ANXA2: variants seen among roughly 807,000 people sequenced by gnomAD.
ANXA2 encodes annexin II.
A neutral mutation model predicts 47.3 loss-of-function variants in ANXA2; 28 were observed. That is an observed-to-expected ratio of 0.59 (90% confidence interval 0.44 to 0.81). ANXA2 has a LOEUF of 0.81. Ranked by LOEUF, ANXA2 falls within the 40% of genes least tolerant of loss-of-function variation. The pLI, the probability that ANXA2 is intolerant of heterozygous loss-of-function variation, is 0.00. For synonymous variants in ANXA2, 172 were observed against 155.5 expected, an observed-to-expected ratio of 1.11 and a Z score of -0.79; for missense variants, 384 against 414.3, an observed-to-expected ratio of 0.93 and a Z score of 0.64.
chr15:60,360,905 C>T lies in ANXA2; in HGVS notation c.357+36G>A, dbSNP rs770458087. The T allele has an allele frequency of 3.9e-6, 5 of 1,296,214 alleles. No homozygotes were observed. In the African/African-American group the frequency reaches 5.8e-5, roughly 15 times the overall value. 80.3% of individuals were successfully genotyped at this position (1,296,214 alleles called of 1,614,324 possible). On this transcript the variant is annotated intron_variant, in intron 5 of 12. Coordinates refer to ENST00000451270, the MANE Select transcript of ANXA2 (RefSeq NM_004039.3). ...AAGCTGTAATTCACAAAATTAATAGCAGATTTGACAGAGATGACATCTCAC... is the reference window on the plus strand; with the variant it reads ...AAGCTGTAATTCACAAAATTAATAGTAGATTTGACAGAGATGACATCTCAC...
At chr15:60,366,950 G>A (rs2062624627) in intron 3 of ANXA2, among the ~76,000 whole-genome samples, 1 of 91,548 alleles carries the variant, frequency 1.1e-5, no homozygotes, top group Non-Finnish European at 2.2e-5. Flanking sequence ...TGCCCGGCCA[G>A]CCGCCCCGTC....
chr15:60,392,136 C>G (rs557097732), intron 1 of ANXA2, among the ~76,000 whole-genome samples: 1 of 152,262 alleles, frequency 6.6e-6, no homozygotes, highest in East Asian at 1.9e-4. Flanking sequence ...GGTAGGAAAA[C>G]AGGTCACTTG....
In ANXA2 at chr15:60,347,361, C is replaced by G. The variant is rs894362610; in HGVS notation, c.*269G>C. ...TAAAGTACAAATTCAGTTTATTCAT[C>G]TGTTTATGACACAGTACACAGGAGG... is the stretch of plus-strand genomic sequence containing the variant. On this transcript the variant is annotated 3_prime_UTR_variant, in exon 13 of 13. Coordinates refer to ENST00000451270, the MANE Select transcript of ANXA2 (RefSeq NM_004039.3). 2.1e-6 allele frequency: 1 copy of G among 466,424 alleles called. No homozygotes were observed. Among genetic ancestry groups the G allele is most frequent in the African/African-American group, 2.0e-5 (1 of 50,992 alleles). The allele number at this position is 466,424 out of a possible 1,614,324, so 28.9% of individuals were successfully genotyped here. A position where few individuals can be genotyped will look rare whatever the true frequency, so the allele number is the denominator to read the frequency against.
chr15:60,397,943 C>G lies in ANXA2; in HGVS notation c.-12G>C. 7.7e-7 allele frequency: 1 copy of G among 1,299,824 alleles called. No homozygotes were observed. Among genetic ancestry groups the G allele is most frequent in the Non-Finnish European group, 9.8e-7 (1 of 1,023,154 alleles). 80.5% of individuals were successfully genotyped at this position (1,299,824 alleles called of 1,614,324 possible). On this transcript the variant is annotated splice_region_variant and 5_prime_UTR_variant, in exon 1 of 13. Transcript: ENST00000451270. Reference sequence around the variant, plus strand: ...GGCGGGCAGGGCGCGCCCCGCTTACCTGGGCCGTGCGCCGAGAGCTGAGAG... The same window carrying G: ...GGCGGGCAGGGCGCGCCCCGCTTACGTGGGCCGTGCGCCGAGAGCTGAGAG...
intron 3 of ANXA2, among the ~76,000 whole-genome samples, chr15:60,373,075 G>A (rs531544832): frequency 1.6e-4 from 25 of 152,170 alleles, no homozygotes; most frequent in Non-Finnish European, 3.1e-4. Context: ...TTTATCCTAT[G>A]AGTCAAGTTT....
rs367941276 is a variant in ANXA2 at position 60,388,084 on chromosome 15, A to G, written c.-11-1998T>C. Among the ~76,000 whole-genome samples, 48 of 152,188 alleles carry G rather than the reference A, an allele frequency of 3.2e-4. No homozygotes were observed. In the South Asian group the frequency reaches 9.8e-3, roughly 31 times the overall value. Reference sequence around the variant, plus strand: ...GCGCCTGTAATCCCAACTACTCGGGAGGCTGAGACAGGAGAATAGCTTGAA... The same window carrying G: ...GCGCCTGTAATCCCAACTACTCGGGGGGCTGAGACAGGAGAATAGCTTGAA... On this transcript the variant is annotated intron_variant, in intron 1 of 12. Transcript: ENST00000451270.
intron 3 of ANXA2, among the ~76,000 whole-genome samples, chr15:60,372,189 C>T (rs1393486042): frequency 4.6e-5 from 7 of 152,050 alleles, no homozygotes; most frequent in African/African-American, 9.7e-5. Context: ...TTACTGAGTA[C>T]CTACTATGTT....
Position 60,352,157 on chromosome 15 carries a change from C to A in ANXA2, c.682+226G>T, listed in dbSNP as rs1444433965. Among the ~76,000 whole-genome samples the A allele has an allele frequency of 2.6e-5, 4 of 152,192 alleles. No individual in the cohort carries two copies. Among genetic ancestry groups the A allele is most frequent in the African/African-American group, 9.7e-5 (4 of 41,448 alleles). On this transcript the variant is annotated intron_variant, in intron 9 of 12. Transcript: ENST00000451270. This position sits in a 1 kb window ranked among gnomAD's most constrained non-coding sequence, Gnocchi z 4.2. ...ACAAATAATGGCAAGACCAAATGAT[C>A]ATCAAACAAGAAGGAGCTGCAGAAT...
intron 5 of ANXA2, among the ~76,000 whole-genome samples, chr15:60,360,410 G>A (rs181636839): frequency 3.4e-4 from 52 of 152,276 alleles, no homozygotes; most frequent in African/African-American, 1.3e-3. Flanking sequence ...CGTGCATTGA[G>A]ACTTCACAGT....
chr15:60,370,599 C>G (rs1382738253), intron 3 of ANXA2, among the ~76,000 whole-genome samples: 2 of 152,156 alleles, frequency 1.3e-5, no homozygotes, highest in African/African-American at 4.8e-5. Flanking sequence ...ACCATTTCTA[C>G]CCAGGATGCA....
At chr15:60,397,408 C>T in intron 1 of ANXA2, 1 of 751,594 alleles carries the variant, frequency 1.3e-6, no homozygotes, top group Non-Finnish European at 1.6e-6. Context: ...CCTACTCACA[C>T]TCCCCCCTCT....
chr15:60,367,444 T>A (rs1030593901), intron 3 of ANXA2, among the ~76,000 whole-genome samples: 1 of 5,866 alleles, frequency 1.7e-4, no homozygotes, highest in Non-Finnish European at 3.0e-4. Flanking sequence ...GGGGGGGGGG[T>A]CAGCCCCCCT....
chr15:60,377,948 T>C (rs1194264045), intron 3 of ANXA2, among the ~76,000 whole-genome samples: 2 of 151,776 alleles, frequency 1.3e-5, no homozygotes, highest in African/African-American at 4.8e-5. Context: ...ATTAGCCAGG[T>C]GTGGTGGTGC....
At chr15:60,362,666 T>G (rs2140834106) in intron 4 of ANXA2, 1 of 152,310 alleles carries the variant, frequency 6.6e-6, no homozygotes, top group East Asian at 1.9e-4. Context: ...TTGTTTCACT[T>G]GAAACTATCT....
intron 5 of ANXA2, among the ~76,000 whole-genome samples, chr15:60,359,607 T>G (rs920394860): frequency 1.4e-4 from 21 of 152,192 alleles, no homozygotes; most frequent in African/African-American, 4.6e-4. Context: ...ACAACAAATC[T>G]TACAGCAGCC....
rs993495270 is a variant in ANXA2, at chr15:60,354,219, G to A, written c.529-6C>T. ...CCATCCTCTGCTCTTCTACCCTATG[G>A]GGGAAAGAAAAAGAACTTCAAATAC... On this transcript the variant is annotated splice_region_variant and splice_polypyrimidine_tract_variant and intron_variant, in intron 7 of 12. Transcript: ENST00000451270. 6.2e-7 allele frequency: 1 copy of A among 1,603,604 alleles called. No homozygotes were observed. Among genetic ancestry groups the A allele is most frequent in the African/African-American group, 1.3e-5 (1 of 74,074 alleles).
intron 7 of ANXA2, chr15:60,355,281 G>C (rs1339872457): frequency 6.4e-6 from 1 of 156,620 alleles, no homozygotes; most frequent in East Asian, 1.9e-4. Context: ...GCGAAGAGAG[G>C]AGAGCGAGGG....
chr15:60,351,640 C>A lies in ANXA2; in HGVS notation c.778+84G>T. 1.3e-5 allele frequency: 11 copies of A among 879,966 alleles called. No homozygotes were observed. The South Asian group carries it at 1.6e-4, about 12-fold the overall frequency. 54.5% of individuals were successfully genotyped at this position (879,966 alleles called of 1,614,324 possible). Reference sequence around the variant, plus strand: ...ATGCATAGAAGCCACACCTCCCAAACACATTTGGATTAACAGGATGGCCAT... The same window carrying A: ...ATGCATAGAAGCCACACCTCCCAAAAACATTTGGATTAACAGGATGGCCAT... On this transcript the variant is annotated intron_variant, in intron 10 of 12. Transcript: ENST00000451270.
chr15:60,368,316 A>AAATAAAATAAAAT (rs1555401432), intron 3 of ANXA2, among the ~76,000 whole-genome samples: 7 of 114,006 alleles, frequency 6.1e-5, no homozygotes, highest in East Asian at 2.5e-4. Context: ...AATAAAAAAA[A>AAATAAAATAAAAT]AAAATAAAAT....
Sources: gnomAD v4.1 joint callset for allele counts (sites outside exome capture counted in the v4.1 genomes callset) on GRCh38, gnomAD v4.1.1 for gene constraint, Gnocchi (gnomAD v3.1) non-coding constraint, MANE v1.5 for transcripts, NCBI Gene and HGNC (gene_info 2026-07-23, HGNC 2026-07-21) for gene names.